The following LAMB4 variants were observed in gnomAD, a reference collection of about 807,000 sequenced individuals.
LAMB4 encodes laminin subunit beta-4.
In LAMB4, 196 loss-of-function variants were observed where a neutral mutation model predicts 199.2. That is an observed-to-expected ratio of 0.98 (90% confidence interval 0.88 to 1.11). The LOEUF is 1.11. Among genes scored for constraint, LAMB4 ranks in the 50% least tolerant of loss-of-function variants. The pLI, the probability that LAMB4 is intolerant of heterozygous loss-of-function variation, is 0.00. For missense variants in LAMB4, 2,080 were observed against 2,171.2 expected, an observed-to-expected ratio of 0.96 and a Z score of 0.83; for synonymous variants, 744 against 770.6, an observed-to-expected ratio of 0.97 and a Z score of 0.57.
In LAMB4 at chr7:108,085,905, G is replaced by A. The variant is rs141296106; in HGVS notation, c.1701+5721C>T. 1.8e-4 allele frequency among the ~76,000 whole-genome samples: 28 copies of A among 152,278 alleles called. No homozygotes were observed. The East Asian group carries it at 3.7e-3, about 20-fold the overall frequency. ...TGGGATTACAGGCGTGAGCCACTGC[G>A]CCCGGCCCTGCATTTTTATTTTGCA... On this transcript the variant is annotated intron_variant, in intron 14 of 33. Coordinates refer to ENST00000388781, the MANE Select transcript of LAMB4 (RefSeq NM_007356.3).
In LAMB4 at chr7:108,098,384, C is replaced by T. The variant is rs778536919; in HGVS notation, c.1360+19G>A. 3.5e-5 allele frequency: 55 copies of T among 1,587,368 alleles called. No individual in the cohort carries two copies. The highest frequency in any genetic ancestry group is 9.0e-5 in the East Asian group (4 of 44,440). ...TAGGGGTTGATGGACACTCCCCCGA[C>T]CCCCGATTATGGACTTACGCTGGCA... On this transcript the variant is annotated intron_variant, in intron 11 of 33. Coordinates refer to ENST00000388781, the MANE Select transcript of LAMB4 (RefSeq NM_007356.3).
chr7:108,018,776 A>G (rs1044102450), downstream of LAMB4, among the ~76,000 whole-genome samples: 13 of 152,088 alleles, frequency 8.5e-5, no homozygotes, highest in African/African-American at 3.1e-4. Context: ...CTCTCGCTTT[A>G]CCCCTCAAAC....
intron 1 of LAMB4, among the ~76,000 whole-genome samples, chr7:108,126,987 T>G (rs2038811571): frequency 6.6e-6 from 1 of 152,020 alleles, no homozygotes; most frequent in African/African-American, 2.4e-5. Context: ...GGGACCCAGG[T>G]GTCAATGTGT....
chr7:108,057,858 T>A lies in LAMB4; in HGVS notation c.3353A>T (p.Tyr1118Phe). Residue 1118 changes from tyrosine (Y) to phenylalanine (F), a missense_variant, in exon 24 of 34, where the codon TAT becomes TTT. Physicochemically the swap from Tyr to Phe is conservative, Grantham distance 22 (BLOSUM62 3). Coordinates refer to ENST00000388781, the MANE Select transcript of LAMB4 (RefSeq NM_007356.3). ...AATGCATCGCCCAGGTGGATCACCA[T>A]AATAATTTTCCTGGCACTCACTGCA... Reference protein sequence around the residue: ...KRCSECQENYYGDPPGRCIPC... With the variant: ...KRCSECQENYFGDPPGRCIPC... The A allele has an allele frequency of 1.2e-6, 2 of 1,613,156 alleles. No individual in the cohort carries two copies. Among genetic ancestry groups the A allele is most frequent in the Non-Finnish European group, 1.7e-6 (2 of 1,179,200 alleles).
intron 23 of LAMB4, among the ~76,000 whole-genome samples, chr7:108,060,536 G>A (rs1000643763): frequency 6.6e-6 from 1 of 152,196 alleles, no homozygotes; most frequent in Admixed American, 6.5e-5. Flanking sequence ...CTGATTCTAG[G>A]ACTGGGGCAG....
chr7:108,117,386 T>C (rs946571236), intron 2 of LAMB4, among the ~76,000 whole-genome samples: 7 of 152,238 alleles, frequency 4.6e-5, no homozygotes, highest in Admixed American at 4.6e-4. Flanking sequence ...TTCCATCATG[T>C]TATCTAATAC....
intron 7 of LAMB4, 86 bp downstream of exon 7, chr7:108,106,423 A>G (rs912676551): frequency 7.2e-6 from 6 of 836,876 alleles, no homozygotes. Context: ...GTCTCAAGAA[A>G]AAAAAAAAAG....
At chr7:108,077,111 T>C in intron 16 of LAMB4, 47 bp from the exon 17 acceptor site, 2 of 1,593,264 alleles carry the variant, frequency 1.3e-6, no homozygotes, top group Non-Finnish European at 8.6e-7. Context: ...AGAAATACAA[T>C]TATATTAGCT....
intron 26 of LAMB4, 81 bp downstream of exon 26, chr7:108,052,016 G>C (rs2035841656): frequency 5.2e-6 from 6 of 1,147,354 alleles, no homozygotes; most frequent in Non-Finnish European, 7.4e-6. Flanking sequence ...GTGGTAAGCA[G>C]GGGACGACTC....
At chr7:108,080,633 G>A (rs2036895173) in intron 14 of LAMB4, among the ~76,000 whole-genome samples, 1 of 152,070 alleles carries the variant, frequency 6.6e-6, no homozygotes. Context: ...TAAATGTTTA[G>A]TAACAATTAT....
chr7:108,052,395 G>C, intron 25 of LAMB4, 138 bp from the exon 26 acceptor site: 1 of 598,174 alleles, frequency 1.7e-6, no homozygotes, highest in East Asian at 2.9e-5. Flanking sequence ...TTTTTCATTT[G>C]ACGGTTTATA....
At chr7:108,078,342 G>T in intron 15 of LAMB4, 26 bp from the exon 16 acceptor site, 1 of 1,370,038 alleles carries the variant, frequency 7.3e-7, no homozygotes, top group African/African-American at 1.4e-5. Context: ...ATTAAGGCAT[G>T]TCACTGCAAG....
intron 11 of LAMB4, among the ~76,000 whole-genome samples, chr7:108,098,112 C>T (rs775563187): frequency 2.6e-4 from 40 of 152,088 alleles, no homozygotes; most frequent in Non-Finnish European, 5.3e-4. Context: ...GTGGGCGGAT[C>T]ACTTGAGGTC....
chr7:108,034,415 G>A, intron 30 of LAMB4, 69 bp from the exon 31 acceptor site: 1 of 1,267,178 alleles, frequency 7.9e-7, no homozygotes. Flanking sequence ...CCTTGAGAGA[G>A]TTCATTTGAC....
chr7:108,105,754 A>T, intron 8 of LAMB4, 63 bp downstream of exon 8: 1 of 1,368,552 alleles, frequency 7.3e-7, no homozygotes, highest in Non-Finnish European at 1.0e-6. Context: ...TCATCTATAT[A>T]TAGCACCAGG....
At chr7:108,079,510 T>A (rs2036843471) in intron 15 of LAMB4, 91 bp downstream of exon 15, 1 of 1,083,262 alleles carries the variant, frequency 9.2e-7, no homozygotes, top group Non-Finnish European at 1.3e-6. Context: ...CCTTTTCTGA[T>A]GAACCTATTC....
chr7:108,125,330 A>G (rs1421194288), intron 1 of LAMB4, among the ~76,000 whole-genome samples: 2 of 152,230 alleles, frequency 1.3e-5, no homozygotes, highest in Non-Finnish European at 2.9e-5. Flanking sequence ...TAAATGAAAT[A>G]TCTAATCCTG....
At chr7:108,051,296 A>AT (rs113624194) in intron 26 of LAMB4, among the ~76,000 whole-genome samples, 315 of 149,414 alleles carry the variant, frequency 2.1e-3, no homozygotes, top group Non-Finnish European at 3.2e-3. Flanking sequence ...CCTGCCTTCT[A>AT]TTTTTTTTTT....
chr7:108,091,695 G>A lies in LAMB4; in HGVS notation c.1632C>T (p.Phe544=), dbSNP rs769066942. The A allele has an allele frequency of 6.2e-7, 1 of 1,614,214 alleles. No individual in the cohort carries two copies. Among genetic ancestry groups the A allele is most frequent in the East Asian group, 2.2e-5 (1 of 44,878 alleles). ...AGAGATAGAAATTCAAAGGAGCAAA[G>A]AAGTAGCCAGGGGCTGGTTCAGAGC... is the stretch of plus-strand genomic sequence containing the variant. ...RSCSEPAPGY[F]FAPLNFYLYE... The change falls in exon 14 of 34, where the codon TTC becomes TTT. Residue 544 remains phenylalanine (F), a synonymous_variant. Transcript: ENST00000388781.
Sources: gnomAD v4.1 joint callset for allele counts (sites outside exome capture counted in the v4.1 genomes callset) on GRCh38, gnomAD v4.1.1 for gene constraint, MANE v1.5 for transcripts, NCBI Gene and HGNC (gene_info 2026-07-23, HGNC 2026-07-21) for gene names.